Variants in SLC8A1 observed in about 807,000 individuals in gnomAD.
The protein encoded by SLC8A1 is sodium/calcium exchanger 1.
In SLC8A1, 18 loss-of-function variants were observed where a neutral mutation model predicts 68.3. That is an observed-to-expected ratio of 0.26 (90% CI 0.18 to 0.39). SLC8A1 has a LOEUF of 0.39. Among genes scored for constraint, SLC8A1 ranks in the 10% least tolerant of loss-of-function variants. SLC8A1 has a pLI of 1.00. For missense variants in SLC8A1, 985 were observed against 1,156.7 expected (o/e 0.85, Z 2.15); for synonymous variants, 475 against 415.5 (o/e 1.14, Z -1.74).
intron 2 of SLC8A1, among the ~76,000 whole-genome samples, chr2:40,298,092 G>A (rs1202157394): frequency 3.3e-5 from 5 of 151,994 alleles, no homozygotes; most frequent in African/African-American, 1.2e-4. Flanking sequence ...ATCTTGGCCA[G>A]GCTGGTCTCG....
At chr2:40,158,058 A>C (rs1419529155) in intron 6 of SLC8A1, among the ~76,000 whole-genome samples, 1 of 152,184 alleles carries the variant, frequency 6.6e-6, no homozygotes, top group African/African-American at 2.4e-5. Context: ...CAAAATTATT[A>C]TTTTTGTTTA....
chr2:40,480,644 G>C (rs1388712852), intron 1 of SLC8A1, among the ~76,000 whole-genome samples: 1 of 152,154 alleles, frequency 6.6e-6, no homozygotes, highest in Non-Finnish European at 1.5e-5. Flanking sequence ...GAGTGTATCA[G>C]CTGAATCCTG....
intron 2 of SLC8A1, among the ~76,000 whole-genome samples, chr2:40,226,775 T>G (rs1300520657): frequency 1.3e-5 from 2 of 152,194 alleles, no homozygotes; most frequent in Non-Finnish European, 2.9e-5. Context: ...TCTAAAAGAT[T>G]ACTTGGTAGC....
chr2:40,228,736 A>C (rs987566662), intron 2 of SLC8A1, among the ~76,000 whole-genome samples: 3 of 152,164 alleles, frequency 2.0e-5, no homozygotes, highest in Non-Finnish European at 4.4e-5. Flanking sequence ...GCGAGCCTCA[A>C]AGCAGTTTAA....
chr2:40,333,572 TATC>T (rs2076660700), intron 2 of SLC8A1, among the ~76,000 whole-genome samples: 1 of 152,138 alleles, frequency 6.6e-6, no homozygotes, highest in Non-Finnish European at 1.5e-5. Flanking sequence ...AAGACCTAGG[TATC>T]CCATTGAGCT....
chr2:40,429,978 G>A (rs1455898954), exon 2 of SLC8A1: 2 of 1,613,770 alleles, frequency 1.2e-6, no homozygotes, highest in East Asian at 2.2e-5. Context: ...CTTCTATAGA[G>A]GACATGAACC....
rs1398563356 is a variant in SLC8A1, at chr2:40,397,884, C to T, written c.1808+30589G>A. ...AGTGGGACACAGTGTGCTCTGAATG[C>T]AGACCTGACACTAAATTTATCATGG... On this transcript the variant is annotated intron_variant, in intron 2 of 7. Coordinates refer to ENST00000406785, the Ensembl canonical transcript of SLC8A1. Among the ~76,000 whole-genome samples the T allele has an allele frequency of 8.5e-5, 13 of 152,310 alleles. No individual in the cohort carries two copies. In the South Asian group the frequency reaches 2.7e-3, roughly 32 times the overall value.
intron 6 of SLC8A1, among the ~76,000 whole-genome samples, chr2:40,141,332 A>T (rs2041525069): frequency 6.6e-6 from 1 of 152,244 alleles, no homozygotes; most frequent in Admixed American, 6.5e-5. Flanking sequence ...AAACATCTAA[A>T]GAGGAATGTC....
chr2:40,202,676 T>C (rs965000158), intron 2 of SLC8A1, among the ~76,000 whole-genome samples: 19 of 151,926 alleles, frequency 1.3e-4, no homozygotes, highest in African/African-American at 4.6e-4. Flanking sequence ...ATTAGCAAAG[T>C]TTAAAAGTAC....
At chr2:40,436,979 C>G (rs1258811925) in intron 1 of SLC8A1, among the ~76,000 whole-genome samples, 1 of 152,148 alleles carries the variant, frequency 6.6e-6, no homozygotes, top group Non-Finnish European at 1.5e-5. Context: ...ATGGACTGAG[C>G]ATCTACTTGT....
chr2:40,294,305 C>G (rs2069909317), intron 2 of SLC8A1, among the ~76,000 whole-genome samples: 1 of 152,060 alleles, frequency 6.6e-6, no homozygotes, highest in Non-Finnish European at 1.5e-5. Context: ...CTGCCAGGAA[C>G]TGTTCTAAAG....
At chr2:40,382,697 A>G (rs915336197) in intron 2 of SLC8A1, among the ~76,000 whole-genome samples, 3 of 152,080 alleles carry the variant, frequency 2.0e-5, no homozygotes, top group Non-Finnish European at 2.9e-5. Context: ...GTATGGTTTG[A>G]GCAAATAAGA....
In SLC8A1 at chr2:40,360,546, C is replaced by T. The variant is rs142964615; in HGVS notation, c.1808+67927G>A. On this transcript the variant is annotated intron_variant, in intron 2 of 7. Transcript: ENST00000406785. ...GTGCCAGCCTGTTCTAAGCACTTTG[C>T]TTGTATTATTTATGCCTCATTCTCA... is the stretch of plus-strand genomic sequence containing the variant. 7.5e-3 allele frequency among the ~76,000 whole-genome samples: 1,144 copies of T among 152,160 alleles called. 6 individuals carry two copies. Among genetic ancestry groups the T allele is most frequent in the African/African-American group, 0.026 (1,078 of 41,518 alleles).
chr2:40,406,301 G>A (rs77978522), intron 2 of SLC8A1, among the ~76,000 whole-genome samples: 21,662 of 152,086 alleles, frequency 0.14, 1,791 homozygotes, highest in Middle Eastern at 0.27. Flanking sequence ...GGAGCTTTGT[G>A]GATTCCTAGA....
chr2:40,375,543 C>T (rs914014599), intron 2 of SLC8A1, among the ~76,000 whole-genome samples: 2 of 152,084 alleles, frequency 1.3e-5, no homozygotes, highest in African/African-American at 4.8e-5. Context: ...CCTCATTAAA[C>T]TTTCATGTAT....
At chr2:40,320,437 A>C (rs1575378995) in intron 2 of SLC8A1, among the ~76,000 whole-genome samples, 1 of 152,180 alleles carries the variant, frequency 6.6e-6, no homozygotes, top group Non-Finnish European at 1.5e-5. Flanking sequence ...AATATAATTT[A>C]CTTTTAATGA....
chr2:40,177,731 T>C (rs911536636), intron 3 of SLC8A1: 17 of 1,420,706 alleles, frequency 1.2e-5, no homozygotes, highest in Non-Finnish European at 1.6e-5. Context: ...CTCGCTGGTA[T>C]GTCTTTGTTT....
At chr2:40,396,303 C>A (rs182794806) in intron 2 of SLC8A1, among the ~76,000 whole-genome samples, 1 of 152,092 alleles carries the variant, frequency 6.6e-6, no homozygotes, top group Non-Finnish European at 1.5e-5. Context: ...ACTTGAAGAG[C>A]GCTGCTTTTC....
intron 1 of SLC8A1, among the ~76,000 whole-genome samples, chr2:40,497,926 G>A (rs1349082852): frequency 6.6e-6 from 1 of 152,032 alleles, no homozygotes; most frequent in East Asian, 1.9e-4. Flanking sequence ...CCAGGGTGGA[G>A]GTAGGATATC....
Sources: gnomAD v4.1 joint callset for allele counts (sites outside exome capture counted in the v4.1 genomes callset) on GRCh38, gnomAD v4.1.1 for gene constraint, MANE v1.5 for transcripts, NCBI Gene and HGNC (gene_info 2026-07-23, HGNC 2026-07-21) for gene names.